IQGAP2: variants seen among roughly 807,000 people sequenced by gnomAD.
The protein encoded by IQGAP2 is ras GTPase-activating-like protein IQGAP2.
In IQGAP2, 173 loss-of-function variants were observed where a neutral mutation model predicts 201.3. The ratio of observed to expected loss-of-function variants is 0.86; its 90% CI spans 0.76 to 0.98. The LOEUF is 0.98. Among genes scored for constraint, IQGAP2 ranks in the 50% least tolerant of loss-of-function variants. The pLI, the probability that IQGAP2 is intolerant of heterozygous loss-of-function variation, is 0.00. For synonymous variants in IQGAP2, 675 were observed against 673.9 expected (o/e 1.00, Z -0.03); for missense variants, 1,687 against 1,864.8 (o/e 0.90, Z 1.76).
At position 76,428,580 on chromosome 5, in the gene IQGAP2, G is replaced by A. The variant is rs185636301; in HGVS notation, c.46+24989G>A. On this transcript the variant is annotated intron_variant, in intron 1 of 35. Coordinates refer to ENST00000274364, the MANE Select transcript of IQGAP2 (RefSeq NM_006633.5). ...CAAGTAGCTGGGATTACAGGTGTGCGCCACCACACCCAGCTAATTTTGCAT... is the reference window on the plus strand; with the variant it reads ...CAAGTAGCTGGGATTACAGGTGTGCACCACCACACCCAGCTAATTTTGCAT... Among the ~76,000 whole-genome samples, 1,017 of 151,244 alleles carry A rather than the reference G, an allele frequency of 6.7e-3. 11 individuals carry two copies. Among genetic ancestry groups the A allele is most frequent in the African/African-American group, 0.024 (969 of 41,232 alleles).
At chr5:76,693,310 A>T in intron 30 of IQGAP2, 45 bp from the exon 31 acceptor site, 2 of 1,343,260 alleles carry the variant, frequency 1.5e-6, no homozygotes, top group Non-Finnish European at 2.1e-6. Context: ...TTTTGTGCAT[A>T]AGGACTACAG....
At chr5:76,603,389 A>C (rs3797385) in intron 11 of IQGAP2, among the ~76,000 whole-genome samples, 1 of 151,946 alleles carries the variant, frequency 6.6e-6, no homozygotes, top group African/African-American at 2.4e-5. Flanking sequence ...AATATCTGAG[A>C]TTGACCCTCC....
intron 2 of IQGAP2, among the ~76,000 whole-genome samples, chr5:76,514,011 C>CTTTTTTTT (rs70982619): frequency 1.5e-5 from 1 of 65,084 alleles, no homozygotes; most frequent in Non-Finnish European, 2.6e-5. Context: ...TATTTGTTGC[C>CTTTTTTTT]TTTTTTTTTT....
chr5:76,559,083 A>G (rs1744150024), intron 2 of IQGAP2, among the ~76,000 whole-genome samples: 1 of 151,884 alleles, frequency 6.6e-6, no homozygotes. Context: ...TTGTATTTTT[A>G]TTAGAGACGG....
At chr5:76,612,731 G>C (rs774255679) in intron 13 of IQGAP2, among the ~76,000 whole-genome samples, 76 of 151,944 alleles carry the variant, frequency 5.0e-4, no homozygotes, top group Non-Finnish European at 9.0e-4. Flanking sequence ...ATGGAATATA[G>C]ATAGGCTTGT....
intron 1 of IQGAP2, among the ~76,000 whole-genome samples, chr5:76,458,973 C>G (rs1415832122): frequency 6.6e-6 from 1 of 151,948 alleles, no homozygotes; most frequent in Non-Finnish European, 1.5e-5. Flanking sequence ...TTACTGTTAA[C>G]CAAAGCAGGA....
At chr5:76,419,025 C>A (rs1227635398) in intron 1 of IQGAP2, among the ~76,000 whole-genome samples, 8 of 152,190 alleles carry the variant, frequency 5.3e-5, no homozygotes, top group Admixed American at 2.6e-4. Flanking sequence ...CCTGGCTACC[C>A]ACTGAAAACT....
intron 1 of IQGAP2, among the ~76,000 whole-genome samples, chr5:76,432,965 T>C (rs1452804312): frequency 6.6e-6 from 1 of 152,122 alleles, no homozygotes; most frequent in Non-Finnish European, 1.5e-5. Context: ...ATTTGTAAAA[T>C]GGGATATTAT....
intron 30 of IQGAP2, among the ~76,000 whole-genome samples, chr5:76,684,270 G>A (rs1158233793): frequency 6.6e-6 from 1 of 152,104 alleles, no homozygotes; most frequent in Non-Finnish European, 1.5e-5. Context: ...GTTAACCAAC[G>A]TTTATTTCCG....
intron 1 of IQGAP2, among the ~76,000 whole-genome samples, chr5:76,412,532 G>A (rs1751181268): frequency 6.6e-6 from 1 of 152,128 alleles, no homozygotes; most frequent in African/African-American, 2.4e-5. Context: ...CTTAAGTAAT[G>A]TTAATGCATA....
intron 28 of IQGAP2, among the ~76,000 whole-genome samples, chr5:76,681,285 T>C (rs917502704): frequency 2.0e-5 from 3 of 151,834 alleles, no homozygotes. Flanking sequence ...AGTGAAAAGA[T>C]AATGTATGGA....
At chr5:76,417,555 G>A (rs1056457496) in intron 1 of IQGAP2, among the ~76,000 whole-genome samples, 16 of 152,156 alleles carry the variant, frequency 1.1e-4, no homozygotes, top group Admixed American at 7.2e-4. Flanking sequence ...AAAGTGCTGG[G>A]ATTACAGGTG....
intron 13 of IQGAP2, among the ~76,000 whole-genome samples, chr5:76,621,797 T>C (rs909170245): frequency 6.6e-5 from 10 of 152,212 alleles, no homozygotes; most frequent in Admixed American, 6.5e-4. Context: ...TATTGTATTT[T>C]AATTCTTTAT....
At chr5:76,488,029 G>A (rs564328375) in intron 2 of IQGAP2, among the ~76,000 whole-genome samples, 13 of 152,290 alleles carry the variant, frequency 8.5e-5, no homozygotes, top group East Asian at 7.7e-4. Flanking sequence ...ACCCCTTGCC[G>A]TTCATGTGAC....
At chr5:76,589,853 T>C (rs918469548) in intron 7 of IQGAP2, 125 bp downstream of exon 7, 2 of 496,772 alleles carry the variant, frequency 4.0e-6, no homozygotes, top group Non-Finnish European at 7.0e-6. Flanking sequence ...GTTTTTATTA[T>C]TTGTTTTATA....
At chr5:76,430,967 G>T (rs904007040) in intron 1 of IQGAP2, among the ~76,000 whole-genome samples, 24 of 152,146 alleles carry the variant, frequency 1.6e-4, no homozygotes, top group Non-Finnish European at 3.1e-4. Context: ...AAAGAATGAG[G>T]TAGCTCTATA....
At chr5:76,535,462 C>T (rs1759567528) in intron 2 of IQGAP2, among the ~76,000 whole-genome samples, 1 of 152,142 alleles carries the variant, frequency 6.6e-6, no homozygotes, top group South Asian at 2.1e-4. Context: ...ACCTAATTTG[C>T]AGGGCCCTCA....
chr5:76,496,761 CTTTCTTT>C (rs1756983263), intron 2 of IQGAP2, among the ~76,000 whole-genome samples: 1 of 89,048 alleles, frequency 1.1e-5, no homozygotes, highest in Admixed American at 1.1e-4. Context: ...TTCTTTCTTT[CTTTCTTT>C]CTTTCTTTCT....
intron 2 of IQGAP2, among the ~76,000 whole-genome samples, chr5:76,548,316 C>A (rs1348731309): frequency 2.0e-5 from 3 of 152,318 alleles, no homozygotes; most frequent in Middle Eastern, 3.4e-3. Context: ...CCGAAAGTGA[C>A]CACAGCCTCT....
Sources: gnomAD v4.1 joint callset for allele counts (sites outside exome capture counted in the v4.1 genomes callset) on GRCh38, gnomAD v4.1.1 for gene constraint, MANE v1.5 for transcripts, NCBI Gene and HGNC (gene_info 2026-07-23, HGNC 2026-07-21) for gene names.